SHANK2: variants seen among roughly 807,000 people sequenced by gnomAD.
SHANK2 encodes SH3 and multiple ankyrin repeat domains protein 2.
In SHANK2, 43 loss-of-function variants were observed where a neutral mutation model predicts 133.7. That is an observed-to-expected ratio of 0.32 (90% CI 0.25 to 0.41). SHANK2 has a LOEUF of 0.41. SHANK2 is among the 10% of genes least tolerant of loss of function. The probability of loss-of-function intolerance (pLI) is 1.00; values close to 1 mark genes in which losing one functional copy is unlikely to be tolerated. For synonymous variants in SHANK2, 1,017 were observed against 952.8 expected (o/e 1.07, Z -1.24); for missense variants, 1,994 against 2,235.8 (o/e 0.89, Z 2.18).
chr11:70,880,352 G>T (rs552957221), intron 11 of SHANK2, among the ~76,000 whole-genome samples: 17 of 152,356 alleles, frequency 1.1e-4, no homozygotes, highest in Non-Finnish European at 2.2e-4. Context: ...GGGGCTGCTG[G>T]AAGAGTCTAC....
intron 8 of SHANK2, among the ~76,000 whole-genome samples, chr11:71,091,209 G>A (rs1951513189): frequency 1.3e-5 from 2 of 152,142 alleles, no homozygotes; most frequent in South Asian, 2.1e-4. Flanking sequence ...CCCTGCCTGC[G>A]GGCTCCAGCT....
intron 10 of SHANK2, among the ~76,000 whole-genome samples, chr11:70,940,052 G>A (rs924760389): frequency 7.9e-5 from 12 of 152,078 alleles, no homozygotes; most frequent in African/African-American, 2.9e-4. Flanking sequence ...CCCAGAGCTG[G>A]AGGAGATGAA....
chr11:70,504,412 C>T (rs1591514509), intron 17 of SHANK2, among the ~76,000 whole-genome samples: 1 of 127,726 alleles, frequency 7.8e-6, no homozygotes, highest in Admixed American at 8.4e-5. Context: ...TACGAGACGG[C>T]TGCAGAGGTC....
intron 12 of SHANK2, among the ~76,000 whole-genome samples, chr11:70,814,181 G>A (rs1948338232): frequency 6.6e-6 from 1 of 152,172 alleles, no homozygotes; most frequent in Non-Finnish European, 1.5e-5. Flanking sequence ...AAACTTAGCT[G>A]AGTATGGTGG....
At chr11:70,850,657 T>C (rs1949072107) in intron 11 of SHANK2, among the ~76,000 whole-genome samples, 1 of 152,224 alleles carries the variant, frequency 6.6e-6, no homozygotes. Flanking sequence ...CGAGTCACTG[T>C]GCCTGCAGCT....
At chr11:70,548,106 T>G (rs1410326993) in intron 17 of SHANK2, among the ~76,000 whole-genome samples, 2 of 152,226 alleles carry the variant, frequency 1.3e-5, no homozygotes, top group African/African-American at 4.8e-5. Context: ...GCCACTGCCC[T>G]CTCACTCCGC....
At chr11:70,862,475 T>TGGACTGGACTGGCTGATGGACA (rs1949274849) in intron 11 of SHANK2, among the ~76,000 whole-genome samples, 1 of 152,172 alleles carries the variant, frequency 6.6e-6, no homozygotes, top group Non-Finnish European at 1.5e-5. Flanking sequence ...ATTTGGAGCC[T>TGGACTGGACTGGCTGATGGACA]GGACTGGACT....
chr11:70,692,354 A>C (rs1555021239), intron 15 of SHANK2, among the ~76,000 whole-genome samples: 1 of 152,130 alleles, frequency 6.6e-6, no homozygotes, highest in African/African-American at 2.4e-5. Context: ...TACTAAACAT[A>C]TTTTCTCATT....
At chr11:70,743,732 T>C (rs1340161091) in intron 14 of SHANK2, among the ~76,000 whole-genome samples, 10 of 152,124 alleles carry the variant, frequency 6.6e-5, no homozygotes, top group Admixed American at 3.9e-4. Flanking sequence ...TCCTCCCTCC[T>C]CCAGGCGGGA....
intron 2 of SHANK2, among the ~76,000 whole-genome samples, chr11:71,191,395 G>C (rs2135581940): frequency 6.6e-6 from 1 of 152,096 alleles, no homozygotes; most frequent in African/African-American, 2.4e-5. Flanking sequence ...CCAGAGGCTG[G>C]AGTCCGCACA....
chr11:70,667,009 C>G (rs1944690807), intron 15 of SHANK2, among the ~76,000 whole-genome samples: 1 of 152,056 alleles, frequency 6.6e-6, no homozygotes, highest in African/African-American at 2.4e-5. Flanking sequence ...GGTGGGCAAC[C>G]AGCCCCACCA....
At chr11:70,686,060 C>T in intron 15 of SHANK2, among the ~76,000 whole-genome samples, 1 of 146,540 alleles carries the variant, frequency 6.8e-6, no homozygotes, top group East Asian at 2.1e-4. Flanking sequence ...CACACCCATC[C>T]AGCTCCCCTT....
chr11:70,902,565 GT>G (rs1555076994), intron 10 of SHANK2, among the ~76,000 whole-genome samples: 1 of 152,248 alleles, frequency 6.6e-6, no homozygotes, highest in Non-Finnish European at 1.5e-5. Context: ...AGCCTTTGCT[GT>G]GACCTTATGA....
At chr11:71,114,021 C>T (rs1035268850) in intron 4 of SHANK2, among the ~76,000 whole-genome samples, 12 of 152,316 alleles carry the variant, frequency 7.9e-5, no homozygotes, top group South Asian at 2.1e-4. Context: ...TCCAGCCCCC[C>T]GCTTGGCTGG....
chr11:70,833,273 C>A (rs997513395), intron 11 of SHANK2, among the ~76,000 whole-genome samples: 11 of 150,158 alleles, frequency 7.3e-5, no homozygotes, highest in Non-Finnish European at 1.2e-4. Context: ...GACGCCCCGA[C>A]TGGCCACCCC....
At chr11:71,124,876 T>TATAA (rs1952154152) in intron 3 of SHANK2, among the ~76,000 whole-genome samples, 1 of 152,226 alleles carries the variant, frequency 6.6e-6, no homozygotes, top group Non-Finnish European at 1.5e-5. Flanking sequence ...ATCGGCATTA[T>TATAA]TTCTCCAACA....
chr11:70,785,461 C>CA (rs1947628490), intron 14 of SHANK2, among the ~76,000 whole-genome samples: 1 of 152,074 alleles, frequency 6.6e-6, no homozygotes, highest in Non-Finnish European at 1.5e-5. Flanking sequence ...CTCCTCTCTC[C>CA]TTTTTTTTGC....
At chr11:70,623,163 G>T (rs1377007033) in intron 17 of SHANK2, among the ~76,000 whole-genome samples, 3 of 151,372 alleles carry the variant, frequency 2.0e-5, no homozygotes, top group Admixed American at 1.3e-4. Context: ...GTGACAGAGC[G>T]AGATTTCGTC....
At chr11:71,213,462 G>A (rs1229987225) in intron 2 of SHANK2, among the ~76,000 whole-genome samples, 3 of 152,192 alleles carry the variant, frequency 2.0e-5, no homozygotes, top group African/African-American at 7.2e-5. Flanking sequence ...CCAGGGGCAA[G>A]GTTTTTAACT....
Sources: gnomAD v4.1 joint callset for allele counts (sites outside exome capture counted in the v4.1 genomes callset) on GRCh38, gnomAD v4.1.1 for gene constraint, MANE v1.5 for transcripts, NCBI Gene and HGNC (gene_info 2026-07-23, HGNC 2026-07-21) for gene names.